KCNAB1: variants seen among roughly 807,000 people sequenced by gnomAD.
KCNAB1 encodes the protein voltage-gated potassium channel subunit beta-1.
In KCNAB1, 35 loss-of-function variants were observed where a neutral mutation model predicts 64.6. That is an observed-to-expected ratio of 0.54 (90% CI 0.41 to 0.72). The LOEUF (loss-of-function observed/expected upper bound fraction) is 0.72. Among genes scored for constraint, KCNAB1 ranks in the 30% least tolerant of loss-of-function variants. The pLI is 0.00. For synonymous variants in KCNAB1, 177 were observed against 183.8 expected, an observed-to-expected ratio of 0.96 and a Z score of 0.30; for missense variants, 401 against 512.9, an observed-to-expected ratio of 0.78 and a Z score of 2.11.
At chr3:156,438,883 G>A (rs564815847) in intron 2 of KCNAB1, among the ~76,000 whole-genome samples, 50 of 152,226 alleles carry the variant, frequency 3.3e-4, no homozygotes, top group South Asian at 1.9e-3. Context: ...GCGTGGTGGC[G>A]TGTGCCTATA....
rs115940416 is a variant in KCNAB1 at position 156,515,275 on chromosome 3, T to C, written c.865+55T>C. 765 of 1,518,210 alleles carry C rather than the reference T, an allele frequency of 5.0e-4. 3 individuals carry two copies. The African/African-American group carries it at 9.7e-3, about 19-fold the overall frequency. The allele number at this position is 1,518,210 out of a possible 1,614,324, so 94.0% of individuals were successfully genotyped here. On this transcript the variant is annotated intron_variant, in intron 10 of 13. Transcript: ENST00000490337. ...TTTTTAACAAGAGAAAGATCACTGATTCGGGGAAAAAATAAAAACAGTGTT... is the reference window on the plus strand; with the variant it reads ...TTTTTAACAAGAGAAAGATCACTGACTCGGGGAAAAAATAAAAACAGTGTT...
chr3:156,161,206 T>G (rs1204977992), intron 1 of KCNAB1, among the ~76,000 whole-genome samples: 1 of 152,176 alleles, frequency 6.6e-6, no homozygotes, highest in Non-Finnish European at 1.5e-5. Context: ...GTCTGCCCTT[T>G]AAGAGGTATT....
At chr3:156,175,844 T>C in intron 1 of KCNAB1, 1 of 673,984 alleles carries the variant, frequency 1.5e-6, no homozygotes, top group Non-Finnish European at 2.8e-6. Flanking sequence ...CAAGTAGCCT[T>C]GGAGTCTTCC....
In KCNAB1 at chr3:156,422,467, G is replaced by T. The variant is rs77798270; in HGVS notation, c.319+808G>T. ...TGAAAGATTTTCTGTTGGGTTCTATGTGGAAGATGACAGAAAAAAGTCAAG... is the reference window on the plus strand; with the variant it reads ...TGAAAGATTTTCTGTTGGGTTCTATTTGGAAGATGACAGAAAAAAGTCAAG... On this transcript the variant is annotated intron_variant, in intron 2 of 13. Transcript: ENST00000490337. Among the ~76,000 whole-genome samples the T allele has an allele frequency of 2.2e-3, 333 of 152,350 alleles. 3 individuals are homozygous for T. Among genetic ancestry groups the T allele is most frequent in the African/African-American group, 7.8e-3 (326 of 41,586 alleles).
rs190503732 is a variant in KCNAB1, at chr3:156,351,021, T to G, written c.276-70595T>G. On this transcript the variant is annotated intron_variant, in intron 1 of 13. Transcript: ENST00000490337. Reference sequence around the variant, plus strand: ...GGAGGGACGTAGTGAACGGAAGGAATCAGACAGATTAAAAGATAGTGCGGT... The same window carrying G: ...GGAGGGACGTAGTGAACGGAAGGAAGCAGACAGATTAAAAGATAGTGCGGT... Among the ~76,000 whole-genome samples the G allele has an allele frequency of 1.2e-3, 188 of 152,312 alleles. 5 individuals are homozygous for G. The highest frequency in any genetic ancestry group is 0.012 in the Admixed American group (176 of 15,304).
rs571199999 is a variant in KCNAB1, at chr3:156,331,139, G to A, written c.276-90477G>A. ...TCAGTCACTGGAAACCTGCTCCTAG[G>A]ACCCTTGAAGTGACTGACTGGCTTG... On this transcript the variant is annotated intron_variant, in intron 1 of 13. Coordinates refer to ENST00000490337, the MANE Select transcript of KCNAB1 (RefSeq NM_172160.3). Among the ~76,000 whole-genome samples, 21 of 152,246 alleles carry A rather than the reference G, an allele frequency of 1.4e-4. 1 individual carries two copies. In the South Asian group the frequency reaches 4.4e-3, roughly 32 times the overall value.
intron 8 of KCNAB1, among the ~76,000 whole-genome samples, chr3:156,478,315 A>G (rs1277446289): frequency 6.6e-6 from 1 of 152,182 alleles, no homozygotes; most frequent in East Asian, 1.9e-4. Context: ...GTATTTATAT[A>G]TTAAATCTAC....
At chr3:156,393,118 G>A (rs150754873) in intron 1 of KCNAB1, among the ~76,000 whole-genome samples, 119 of 152,286 alleles carry the variant, frequency 7.8e-4, no homozygotes, top group African/African-American at 2.7e-3. Context: ...GGTTTGGGAA[G>A]CAGCAGATCA....
At chr3:156,195,455 C>T (rs1444805266) in intron 1 of KCNAB1, among the ~76,000 whole-genome samples, 1 of 152,136 alleles carries the variant, frequency 6.6e-6, no homozygotes, top group Non-Finnish European at 1.5e-5. Flanking sequence ...CTGTTGTTTC[C>T]TGACTTTTTA....
intron 1 of KCNAB1, among the ~76,000 whole-genome samples, chr3:156,367,942 C>T (rs1355674477): frequency 6.6e-6 from 1 of 152,196 alleles, no homozygotes; most frequent in African/African-American, 2.4e-5. Flanking sequence ...ACAATGTCCC[C>T]TTTCCTCCTC....
intron 1 of KCNAB1, among the ~76,000 whole-genome samples, chr3:156,201,108 C>A (rs1382796188): frequency 1.3e-5 from 2 of 152,156 alleles, no homozygotes; most frequent in Non-Finnish European, 2.9e-5. Flanking sequence ...TGAGGCGATG[C>A]CCCACCCTGC....
chr3:156,183,698 G>A (rs1415857491), intron 1 of KCNAB1, among the ~76,000 whole-genome samples: 4 of 152,178 alleles, frequency 2.6e-5, no homozygotes, highest in African/African-American at 7.2e-5. Context: ...CTAGGTCCTT[G>A]ACTCTGCAAT....
chr3:156,199,326 T>G (rs1714176332), intron 1 of KCNAB1, among the ~76,000 whole-genome samples: 1 of 152,196 alleles, frequency 6.6e-6, no homozygotes, highest in Non-Finnish European at 1.5e-5. Context: ...AGTGTCTTAG[T>G]GGTGTTCTCT....
chr3:156,247,405 C>A (rs1308777769), intron 1 of KCNAB1, among the ~76,000 whole-genome samples: 1 of 152,146 alleles, frequency 6.6e-6, no homozygotes. Flanking sequence ...ACAAAATTAC[C>A]CAACCAATAT....
At chr3:156,231,165 A>G (rs1352790158) in intron 1 of KCNAB1, among the ~76,000 whole-genome samples, 1 of 152,208 alleles carries the variant, frequency 6.6e-6, no homozygotes, top group Non-Finnish European at 1.5e-5. Flanking sequence ...AGCTGGGATT[A>G]TTTGTAATCA....
chr3:156,259,418 C>T (rs540612921), intron 1 of KCNAB1, among the ~76,000 whole-genome samples: 1 of 152,304 alleles, frequency 6.6e-6, no homozygotes, highest in South Asian at 2.1e-4. Flanking sequence ...TCACTGGGAG[C>T]TTTCCACACC....
intron 1 of KCNAB1, among the ~76,000 whole-genome samples, chr3:156,370,822 GA>G (rs1283631753): frequency 1.3e-5 from 2 of 152,232 alleles, no homozygotes; most frequent in Non-Finnish European, 2.9e-5. Flanking sequence ...ACAGGGGAGA[GA>G]TTCCGTGGTG....
intron 1 of KCNAB1, among the ~76,000 whole-genome samples, chr3:156,306,871 C>A (rs1460888335): frequency 2.0e-5 from 3 of 152,194 alleles, no homozygotes; most frequent in African/African-American, 7.2e-5. Flanking sequence ...CAATGATGGG[C>A]AGAATCATCT....
chr3:156,329,092 C>T (rs1016864427), intron 1 of KCNAB1, among the ~76,000 whole-genome samples: 3 of 152,116 alleles, frequency 2.0e-5, no homozygotes, highest in Admixed American at 6.6e-5. Flanking sequence ...TGGTGACAAC[C>T]TTGTATTCAG....
Sources: allele counts gnomAD v4.1 joint callset (sites outside exome capture counted in the v4.1 genomes callset), GRCh38; gene constraint gnomAD v4.1.1; transcripts MANE v1.5; gene names NCBI Gene and HGNC (gene_info 2026-07-23, HGNC 2026-07-21).